Variants in LCORL observed in about 807,000 individuals in gnomAD.
LCORL encodes the protein ligand dependent nuclear receptor corepressor like.
LCORL carries 41 observed loss-of-function variants against 141.8 expected under a neutral mutation model. That is an observed-to-expected ratio of 0.29 (90% CI 0.23 to 0.38). The LOEUF is 0.38. Ranked by LOEUF, LCORL falls within the 10% of genes least tolerant of loss-of-function variation. The pLI, the probability that LCORL is intolerant of heterozygous loss-of-function variation, is 1.00. For missense variants in LCORL, 1,759 were observed against 2,035.0 expected (o/e 0.86, Z 2.61); for synonymous variants, 618 against 694.1 (o/e 0.89, Z 1.72).
At chr4:17,909,213 C>T in exon 5 of LCORL, 1 of 1,613,528 alleles carries the variant, frequency 6.2e-7, no homozygotes, top group Non-Finnish European at 8.5e-7. Flanking sequence ...TATACTTGGT[C>T]CAATTGAACC....
At chr4:17,849,772 A>C (rs983106937) in intron 7 of LCORL, among the ~76,000 whole-genome samples, 18 of 152,110 alleles carry the variant, frequency 1.2e-4, no homozygotes, top group African/African-American at 4.3e-4. Context: ...CAGAATTGGA[A>C]AAAACTACTT....
At chr4:17,976,054 T>C (rs961598486) in intron 1 of LCORL, among the ~76,000 whole-genome samples, 4 of 152,194 alleles carry the variant, frequency 2.6e-5, no homozygotes, top group African/African-American at 9.6e-5. Context: ...CTTGTTCTAT[T>C]GTGTCTACTG....
chr4:17,957,174 AG>A (rs905666047), intron 4 of LCORL, among the ~76,000 whole-genome samples: 33 of 152,064 alleles, frequency 2.2e-4, no homozygotes, highest in African/African-American at 6.7e-4. Flanking sequence ...AGTATTTGGG[AG>A]GAAGAAAGCA....
At position 17,884,891 on chromosome 4, in the gene LCORL, T is replaced by G; in HGVS notation, c.776+1177A>C. On this transcript the variant is annotated intron_variant, in intron 6 of 7. Coordinates refer to ENST00000635767, the Ensembl canonical transcript of LCORL. This position sits in a 1 kb window ranked among gnomAD's most constrained non-coding sequence, Gnocchi z 4.4. ...TTATGACACTTTTAAGTCTGTGAGA[T>G]GTAGTAGTTACTCCTTATCAAAGCA... The G allele has an allele frequency of 2.2e-6, 1 of 458,310 alleles. No homozygotes were observed. Among genetic ancestry groups the G allele is most frequent in the Non-Finnish European group, 3.8e-6 (1 of 260,536 alleles). 28.4% of individuals were successfully genotyped at this position (458,310 alleles called of 1,614,324 possible).
chr4:17,961,835 G>T, intron 4 of LCORL, 68 bp downstream of exon 4: 1 of 1,405,792 alleles, frequency 7.1e-7, no homozygotes, highest in Non-Finnish European at 9.7e-7. Context: ...AAAAACTTTT[G>T]TGTAAAAAAA....
chr4:17,872,845 A>C (rs979072391), intron 7 of LCORL, among the ~76,000 whole-genome samples: 2 of 152,178 alleles, frequency 1.3e-5, no homozygotes, highest in African/African-American at 2.4e-5. Context: ...CATCAGTCTT[A>C]AAGTGAGCTC....
intron 1 of LCORL, among the ~76,000 whole-genome samples, chr4:18,017,224 G>A (rs1449745395): frequency 2.6e-5 from 4 of 152,064 alleles, no homozygotes; most frequent in Admixed American, 6.6e-5. Flanking sequence ...AAATAATGGA[G>A]ATGGGAAAGA....
intron 1 of LCORL, among the ~76,000 whole-genome samples, chr4:17,982,840 G>A (rs184469199): frequency 1.8e-4 from 27 of 152,108 alleles, no homozygotes; most frequent in African/African-American, 3.1e-4. Context: ...ATCTTTGCCC[G>A]TGCCTATGTC....
At chr4:17,965,064 T>A (rs866136988) in intron 2 of LCORL, among the ~76,000 whole-genome samples, 38 of 152,232 alleles carry the variant, frequency 2.5e-4, no homozygotes, top group African/African-American at 9.1e-4. Flanking sequence ...CATCCTGAGA[T>A]TGTCACTTAT....
At chr4:18,003,958 C>T (rs901266176) in intron 1 of LCORL, among the ~76,000 whole-genome samples, 2 of 152,216 alleles carry the variant, frequency 1.3e-5, no homozygotes, top group African/African-American at 4.8e-5. Context: ...AGTCCAAAGC[C>T]ACCTGTGGAT....
chr4:17,967,454 A>G (rs1715126772), intron 2 of LCORL, among the ~76,000 whole-genome samples: 1 of 152,156 alleles, frequency 6.6e-6, no homozygotes, highest in South Asian at 2.1e-4. Flanking sequence ...AAAATATGCT[A>G]ATATACAGGG....
At chr4:17,994,777 G>GAAA (rs11430331) in intron 1 of LCORL, among the ~76,000 whole-genome samples, 8 of 147,950 alleles carry the variant, frequency 5.4e-5, no homozygotes, top group African/African-American at 2.0e-4. Context: ...GAGTAATAGG[G>GAAA]AAAAAAAAAA....
chr4:17,926,514 C>T (rs1735180856), intron 4 of LCORL, among the ~76,000 whole-genome samples: 1 of 152,206 alleles, frequency 6.6e-6, no homozygotes, highest in South Asian at 2.1e-4. Flanking sequence ...TCTCAGGCCT[C>T]TGGCCACAGA....
At chr4:17,998,200 G>A (rs1460464546) in intron 1 of LCORL, among the ~76,000 whole-genome samples, 1 of 152,190 alleles carries the variant, frequency 6.6e-6, no homozygotes, top group Non-Finnish European at 1.5e-5. Flanking sequence ...GGAGCTTGAA[G>A]GATGGGAAGT....
At position 17,972,895 on chromosome 4, in the gene LCORL, T is replaced by G; in HGVS notation, c.155-10A>C. 7.4e-7 allele frequency: 1 copy of G among 1,353,140 alleles called. No individual in the cohort carries two copies. The highest frequency in any genetic ancestry group is 9.7e-7 in the Non-Finnish European group (1 of 1,028,404). The allele number at this position is 1,353,140 out of a possible 1,614,324, so 83.8% of individuals were successfully genotyped here. On this transcript the variant is annotated splice_polypyrimidine_tract_variant and intron_variant, in intron 1 of 7. Coordinates refer to ENST00000635767, the Ensembl canonical transcript of LCORL. ...AAAATACTCTCAAAACCTGTGTTTT[T>G]AGAGAGAGAAAAGTATATTAACTAC...
chr4:18,008,115 G>T (rs1032263186), intron 1 of LCORL, among the ~76,000 whole-genome samples: 11 of 152,174 alleles, frequency 7.2e-5, no homozygotes, highest in African/African-American at 2.4e-4. Context: ...GAGATGGAAA[G>T]GTATTGCTCA....
chr4:17,860,621 C>T (rs929641297), intron 7 of LCORL, among the ~76,000 whole-genome samples: 5 of 152,184 alleles, frequency 3.3e-5, no homozygotes, highest in African/African-American at 4.8e-5. Flanking sequence ...ATCATGCCTT[C>T]CCAACAGTCC....
intron 7 of LCORL, among the ~76,000 whole-genome samples, chr4:17,871,252 AG>A (rs536276748): frequency 1.2e-4 from 18 of 152,006 alleles, no homozygotes; most frequent in African/African-American, 3.6e-4. Flanking sequence ...CTAAAAAAAA[AG>A]AATGTTAAAA....
chr4:17,872,108 C>T (rs564568886), intron 7 of LCORL, among the ~76,000 whole-genome samples: 1 of 151,806 alleles, frequency 6.6e-6, no homozygotes. Flanking sequence ...CCAACCCCCC[C>T]AAAAACACCC....
Sources: allele counts gnomAD v4.1 joint callset (sites outside exome capture counted in the v4.1 genomes callset), GRCh38; gene constraint gnomAD v4.1.1; non-coding constraint Gnocchi (gnomAD v3.1); transcripts MANE v1.5; gene names NCBI Gene and HGNC (gene_info 2026-07-23, HGNC 2026-07-21).